Variants in CNTNAP5 observed in about 807,000 individuals in gnomAD.
CNTNAP5 encodes contactin associated protein family member 5, also known as contactin-associated protein-like 5.
CNTNAP5 carries 72 observed loss-of-function variants against 150.2 expected under a neutral mutation model. The observed-to-expected ratio is 0.48, with a 90% confidence interval of 0.40 to 0.58. The LOEUF (loss-of-function observed/expected upper bound fraction) is 0.58. Among genes scored for constraint, CNTNAP5 ranks in the 20% least tolerant of loss-of-function variants. The pLI is 0.00. For missense variants in CNTNAP5, 1,636 were observed against 1,626.2 expected (o/e 1.01, Z -0.10); for synonymous variants, 672 against 619.8 (o/e 1.08, Z -1.25).
intron 14 of CNTNAP5, 65 bp downstream of exon 14, chr2:124,747,450 C>A (rs1371128070): frequency 6.4e-7 from 1 of 1,573,314 alleles, no homozygotes; most frequent in Non-Finnish European, 8.7e-7. Context: ...ATAAAATTCC[C>A]CAAGACAGAA....
At chr2:124,889,078 C>CTTTTT (rs761790564) in intron 21 of CNTNAP5, among the ~76,000 whole-genome samples, 4 of 68,782 alleles carry the variant, frequency 5.8e-5, no homozygotes, top group Non-Finnish European at 8.8e-5. Flanking sequence ...TGAGGTCTAG[C>CTTTTT]TTTTTTTTTT....
chr2:124,265,722 C>T (rs1687587467), intron 3 of CNTNAP5, among the ~76,000 whole-genome samples: 1 of 152,070 alleles, frequency 6.6e-6, no homozygotes, highest in African/African-American at 2.4e-5. Flanking sequence ...TCTGGCTTAT[C>T]TAGGTGACCG....
At chr2:124,373,214 A>G (rs1573951199) in intron 3 of CNTNAP5, among the ~76,000 whole-genome samples, 1 of 152,192 alleles carries the variant, frequency 6.6e-6, no homozygotes, top group South Asian at 2.1e-4. Flanking sequence ...CTTGGAAGAC[A>G]TAAGAAATGA....
chr2:124,694,416 G>A (rs930261560), intron 13 of CNTNAP5, among the ~76,000 whole-genome samples: 2 of 152,084 alleles, frequency 1.3e-5, no homozygotes, highest in Non-Finnish European at 2.9e-5. Flanking sequence ...CAAATACTGA[G>A]CACCAGGCTC....
At chr2:124,794,404 C>A (rs1681800748) in intron 18 of CNTNAP5, among the ~76,000 whole-genome samples, 1 of 152,168 alleles carries the variant, frequency 6.6e-6, no homozygotes, top group Non-Finnish European at 1.5e-5. Flanking sequence ...CATGGGACAG[C>A]CCACAGCATG....
chr2:124,811,153 G>A (rs1233874328), intron 19 of CNTNAP5, among the ~76,000 whole-genome samples: 1 of 152,046 alleles, frequency 6.6e-6, no homozygotes, highest in African/African-American at 2.4e-5. Context: ...GCATGACAGG[G>A]AATCTTATGT....
chr2:124,451,044 AAAAAAAAAT>A (rs1186676903), intron 6 of CNTNAP5, among the ~76,000 whole-genome samples: 46 of 75,154 alleles, frequency 6.1e-4, no homozygotes, highest in African/African-American at 2.0e-3. Context: ...AAAAAAAAAA[AAAAAAAAAT>A]ATATATATAT....
intron 6 of CNTNAP5, among the ~76,000 whole-genome samples, chr2:124,448,779 G>T (rs915021188): frequency 6.6e-6 from 1 of 152,146 alleles, no homozygotes; most frequent in South Asian, 2.1e-4. Context: ...TTCAACAAAG[G>T]TCAGCAAAAG....
chr2:124,419,928 CTTT>C (rs1558893933), intron 4 of CNTNAP5, among the ~76,000 whole-genome samples: 12 of 127,224 alleles, frequency 9.4e-5, no homozygotes, highest in African/African-American at 3.1e-4. Flanking sequence ...TTCTTTCTTT[CTTT>C]CTTTCTTTCT....
rs184903155 is a variant in CNTNAP5, at chr2:124,421,925, T to C, written c.529+4335T>C. ...GATATGTGATGTGCTGTCATTTACT[T>C]TGTGGTGTCGGCCACAACCCAGAAT... is the stretch of plus-strand genomic sequence containing the variant. On this transcript the variant is annotated intron_variant, in intron 4 of 23. Transcript: ENST00000682447. Among the ~76,000 whole-genome samples, 14 of 152,300 alleles carry C rather than the reference T, an allele frequency of 9.2e-5. No homozygotes were observed. In the East Asian group the frequency reaches 2.7e-3, roughly 29 times the overall value.
At chr2:124,080,099 A>G (rs536516582) in intron 1 of CNTNAP5, among the ~76,000 whole-genome samples, 1 of 152,336 alleles carries the variant, frequency 6.6e-6, no homozygotes, top group Admixed American at 6.5e-5. Flanking sequence ...AAAGAAAATC[A>G]TCAAGTATTT....
intron 8 of CNTNAP5, among the ~76,000 whole-genome samples, chr2:124,508,017 G>A (rs1422164560): frequency 1.3e-5 from 2 of 152,048 alleles, no homozygotes; most frequent in African/African-American, 4.8e-5. Flanking sequence ...TGGAGGGGAT[G>A]ACATCAGGAC....
chr2:124,353,242 G>A (rs965174256), intron 3 of CNTNAP5, among the ~76,000 whole-genome samples: 1 of 126,324 alleles, frequency 7.9e-6, no homozygotes, highest in African/African-American at 3.0e-5. Context: ...TTCAGTCTTT[G>A]ATCCCCTTGT....
chr2:124,833,096 G>C (rs937210634), intron 19 of CNTNAP5, among the ~76,000 whole-genome samples: 2 of 151,908 alleles, frequency 1.3e-5, no homozygotes, highest in Non-Finnish European at 2.9e-5. Flanking sequence ...TATTTGTAAA[G>C]ATGAGGTTTT....
chr2:124,541,202 G>A (rs1573446986), intron 10 of CNTNAP5, among the ~76,000 whole-genome samples: 1 of 23,630 alleles, frequency 4.2e-5, no homozygotes, highest in African/African-American at 1.9e-4. Context: ...TTTTTGGTGA[G>A]AAGAAATTTT....
At chr2:124,764,818 A>AT (rs1681033027) in intron 16 of CNTNAP5, among the ~76,000 whole-genome samples, 2 of 152,180 alleles carry the variant, frequency 1.3e-5, no homozygotes, top group South Asian at 4.1e-4. Context: ...TCCAATACTA[A>AT]TAAAATACAA....
rs555186253 is a variant in CNTNAP5 at position 124,283,238 on chromosome 2, T to TC, written c.381+40849dup. Among the ~76,000 whole-genome samples, 299 of 152,316 alleles carry TC rather than the reference T, an allele frequency of 2.0e-3. 1 individual carries two copies. Among genetic ancestry groups the TC allele is most frequent in the Non-Finnish European group, 3.1e-3 (212 of 68,022 alleles). On this transcript the variant is annotated intron_variant, in intron 3 of 23. Coordinates refer to ENST00000682447, the MANE Select transcript of CNTNAP5 (RefSeq NM_001367498.1). ...GTTCTAGTTTTGCTGGAGAGCATTT[T>TC]CCCCTCAACATTTTTGGCAGGCAGC...
chr2:124,707,107 G>C (rs1201384012), intron 13 of CNTNAP5, among the ~76,000 whole-genome samples: 2 of 124,230 alleles, frequency 1.6e-5, no homozygotes, highest in African/African-American at 3.0e-5. Context: ...AGAGGAAGAA[G>C]AAGAGGAAGA....
At chr2:124,838,883 G>A (rs1573651790) in intron 19 of CNTNAP5, among the ~76,000 whole-genome samples, 3 of 152,048 alleles carry the variant, frequency 2.0e-5, no homozygotes, top group South Asian at 2.1e-4. Context: ...ACTACCATCT[G>A]CCATATATCT....
Sources: allele counts gnomAD v4.1 joint callset (sites outside exome capture counted in the v4.1 genomes callset), GRCh38; gene constraint gnomAD v4.1.1; transcripts MANE v1.5; gene names NCBI Gene and HGNC (gene_info 2026-07-23, HGNC 2026-07-21).